The following GRIN2A variants were observed in gnomAD, a reference collection of about 807,000 sequenced individuals.
GRIN2A encodes glutamate receptor ionotropic, NMDA 2A.
Under a neutral mutation model 113.4 loss-of-function variants are expected in GRIN2A, and 22 were observed. The observed-to-expected ratio is 0.19, with a 90% CI of 0.14 to 0.28. GRIN2A has a LOEUF of 0.28. Among genes scored for constraint, GRIN2A ranks in the 10% least tolerant of loss-of-function variants. GRIN2A has a pLI of 1.00. For missense variants in GRIN2A, 1,502 were observed against 1,887.0 expected (o/e 0.80, Z 3.78); for synonymous variants, 827 against 738.4 (o/e 1.12, Z -1.94).
chr16:10,135,534 G>A (rs1302197083), intron 2 of GRIN2A, among the ~76,000 whole-genome samples: 1 of 152,084 alleles, frequency 6.6e-6, no homozygotes, highest in Admixed American at 6.6e-5. Flanking sequence ...ACTTTTTAAG[G>A]TATTTGTTAC....
At chr16:10,095,570 A>C (rs933926421) in intron 2 of GRIN2A, among the ~76,000 whole-genome samples, 2 of 152,210 alleles carry the variant, frequency 1.3e-5, no homozygotes, top group African/African-American at 4.8e-5. Context: ...AAAACATGAT[A>C]AGGAATAGGA....
intron 2 of GRIN2A, among the ~76,000 whole-genome samples, chr16:10,099,558 C>T (rs1205147198): frequency 6.6e-6 from 1 of 152,152 alleles, no homozygotes; most frequent in Non-Finnish European, 1.5e-5. Flanking sequence ...AAGGATGATA[C>T]TATCTGGAGC....
chr16:9,815,621 AAAC>A (rs2042173086), intron 10 of GRIN2A, among the ~76,000 whole-genome samples: 1 of 152,184 alleles, frequency 6.6e-6, no homozygotes, highest in Admixed American at 6.5e-5. Flanking sequence ...GAAAAACAGA[AAAC>A]AACAAGTATT....
intron 2 of GRIN2A, among the ~76,000 whole-genome samples, chr16:10,051,159 CTG>C (rs1164378091): frequency 6.6e-6 from 1 of 152,190 alleles, no homozygotes; most frequent in Non-Finnish European, 1.5e-5. Context: ...ATAAGAAACA[CTG>C]TGTGCAACAC....
chr16:9,762,429 A>G lies in GRIN2A; in HGVS notation c.*720T>C. On this transcript the variant is annotated 3_prime_UTR_variant, in exon 13 of 13. Coordinates refer to ENST00000330684, the MANE Select transcript of GRIN2A (RefSeq NM_001134407.3). ...GTGAGAGAAACACACATCAACATCC[A>G]AAGAGATTCCTGTAGCTCTCCCCAC... The G allele has an allele frequency of 4.5e-6, 1 of 224,536 alleles. No individual in the cohort carries two copies. Among genetic ancestry groups the G allele is most frequent in the Non-Finnish European group, 8.9e-6 (1 of 112,310 alleles). 13.9% of individuals were successfully genotyped at this position (224,536 alleles called of 1,614,324 possible).
intron 5 of GRIN2A, among the ~76,000 whole-genome samples, chr16:9,848,279 G>A (rs570123118): frequency 6.6e-6 from 1 of 150,496 alleles, no homozygotes; most frequent in South Asian, 2.1e-4. Flanking sequence ...GTAGTGGCTC[G>A]ATCTCGACTT....
chr16:9,769,296 A>G (rs1191149742), intron 11 of GRIN2A: 4 of 410,270 alleles, frequency 9.7e-6, no homozygotes, highest in African/African-American at 8.0e-5. Context: ...CAGTGAGGAC[A>G]AAATTTATAT....
intron 3 of GRIN2A, among the ~76,000 whole-genome samples, chr16:9,916,546 G>C (rs1238288599): frequency 6.6e-6 from 1 of 152,186 alleles, no homozygotes; most frequent in African/African-American, 2.4e-5. Context: ...CAGCGATACA[G>C]TGACAAGTGA....
In GRIN2A at chr16:10,086,882, A is replaced by G. The variant is rs149128665; in HGVS notation, c.414+93116T>C. ...AATCCTGCCAAACAAATGCCTACCTAGCTGGATGATCCAGAATGAGCCCAG... is the reference window on the plus strand; with the variant it reads ...AATCCTGCCAAACAAATGCCTACCTGGCTGGATGATCCAGAATGAGCCCAG... On this transcript the variant is annotated intron_variant, in intron 2 of 12. Coordinates refer to ENST00000330684, the MANE Select transcript of GRIN2A (RefSeq NM_001134407.3). Among the ~76,000 whole-genome samples, 506 of 152,342 alleles carry G rather than the reference A, an allele frequency of 3.3e-3. 6 individuals carry two copies. Among genetic ancestry groups the G allele is most frequent in the African/African-American group, 0.012 (487 of 41,588 alleles).
intron 2 of GRIN2A, among the ~76,000 whole-genome samples, chr16:9,941,349 C>T (rs572901888): frequency 3.9e-5 from 6 of 152,276 alleles, no homozygotes; most frequent in African/African-American, 2.4e-5. Flanking sequence ...TGTAAGCACA[C>T]GCATCTTATC....
chr16:10,146,981 C>G (rs550430092), intron 2 of GRIN2A, among the ~76,000 whole-genome samples: 1 of 152,140 alleles, frequency 6.6e-6, no homozygotes, highest in African/African-American at 2.4e-5. Flanking sequence ...CAGCAAAGAT[C>G]AGGCATGCTA....
chr16:9,885,161 A>G (rs1044340821), intron 4 of GRIN2A, among the ~76,000 whole-genome samples: 2 of 152,122 alleles, frequency 1.3e-5, no homozygotes, highest in African/African-American at 4.8e-5. Context: ...AGTTTCCTAC[A>G]CATCCTTGTA....
chr16:9,810,121 G>C (rs1057297782), intron 10 of GRIN2A, among the ~76,000 whole-genome samples: 1 of 152,178 alleles, frequency 6.6e-6, no homozygotes, highest in African/African-American at 2.4e-5. Context: ...ACTGAGACCA[G>C]GAGGCAGGGG....
intron 3 of GRIN2A, among the ~76,000 whole-genome samples, chr16:9,902,927 T>A (rs960379846): frequency 1.4e-5 from 2 of 142,476 alleles, no homozygotes; most frequent in African/African-American, 5.2e-5. Flanking sequence ...TAATCTTTCC[T>A]TCTCTTGGTT....
At chr16:10,118,208 A>G (rs1268211160) in intron 2 of GRIN2A, among the ~76,000 whole-genome samples, 1 of 152,158 alleles carries the variant, frequency 6.6e-6, no homozygotes, top group Non-Finnish European at 1.5e-5. Flanking sequence ...ATTGTTATAT[A>G]TCTGTATTCA....
intron 2 of GRIN2A, among the ~76,000 whole-genome samples, chr16:9,953,063 A>G (rs2045220526): frequency 6.6e-6 from 1 of 152,150 alleles, no homozygotes; most frequent in African/African-American, 2.4e-5. Flanking sequence ...AAGGGCTTGG[A>G]GGAGGGAATG....
intron 3 of GRIN2A, among the ~76,000 whole-genome samples, chr16:9,897,376 T>C (rs964748923): frequency 5.9e-5 from 9 of 152,212 alleles, no homozygotes; most frequent in South Asian, 2.1e-4. Context: ...AGAGATAACA[T>C]TGAAAAATAG....
chr16:9,930,043 C>G (rs1321798363), intron 3 of GRIN2A, among the ~76,000 whole-genome samples: 1 of 152,068 alleles, frequency 6.6e-6, no homozygotes, highest in East Asian at 1.9e-4. Flanking sequence ...CTTTTGACTT[C>G]CAGCCATAAA....
intron 3 of GRIN2A, among the ~76,000 whole-genome samples, chr16:9,906,463 C>G (rs990198533): frequency 7.9e-5 from 12 of 152,306 alleles, no homozygotes; most frequent in African/African-American, 2.4e-4. Flanking sequence ...CCCACGAACC[C>G]TGGAGGGCAT....
Sources: gnomAD v4.1 joint callset for allele counts (sites outside exome capture counted in the v4.1 genomes callset) on GRCh38, gnomAD v4.1.1 for gene constraint, MANE v1.5 for transcripts, NCBI Gene and HGNC (gene_info 2026-07-23, HGNC 2026-07-21) for gene names.